Variants in DCAF8L2 observed in about 807,000 individuals in gnomAD.
DCAF8L2 encodes the protein DDB1- and CUL4-associated factor 8-like protein 2.
For missense variants in DCAF8L2, 430 were observed against 490.7 expected (o/e 0.88, Z 1.17); for synonymous variants, 200 against 190.9 (o/e 1.05, Z -0.39).
chrX:27,619,508 C>T (rs1008662183), intron 1 of DCAF8L2, among the ~76,000 whole-genome samples: 1 of 111,473 alleles, frequency 9.0e-6, no homozygotes, highest in African/African-American at 3.3e-5. Flanking sequence ...GGTTCTCCCT[C>T]CACATCTGAT....
chrX:27,631,414 AAG>A (rs1442046564), intron 1 of DCAF8L2, among the ~76,000 whole-genome samples: 10 of 112,318 alleles, frequency 8.9e-5, no homozygotes, highest in African/African-American at 2.9e-4. Context: ...AGGAAAGAGA[AAG>A]AAATAAAATG....
chrX:27,683,487 C>T (rs1202184351), intron 3 of DCAF8L2, among the ~76,000 whole-genome samples: 4 of 112,497 alleles, frequency 3.6e-5, no homozygotes, highest in Admixed American at 9.4e-5. Flanking sequence ...AGTAACGAAG[C>T]CCTTTCTGAT....
intron 4 of DCAF8L2, 118 bp from the exon 5 acceptor site, chrX:27,746,720 C>A: frequency 2.3e-6 from 1 of 437,007 alleles, no homozygotes; most frequent in Non-Finnish European, 3.8e-6. Flanking sequence ...ATACTGGCAA[C>A]TGCCTTGGCA....
At chrX:27,643,292 C>T (rs775989218) in intron 2 of DCAF8L2, among the ~76,000 whole-genome samples, 5 of 111,977 alleles carry the variant, frequency 4.5e-5, no homozygotes, top group Admixed American at 9.5e-5. Flanking sequence ...AGGTGATAAC[C>T]CATTGCAGCT....
intron 4 of DCAF8L2, among the ~76,000 whole-genome samples, chrX:27,739,402 T>C (rs1477719040): frequency 8.9e-6 from 1 of 111,969 alleles, no homozygotes; most frequent in Non-Finnish European, 1.9e-5. Flanking sequence ...AAATAATTTC[T>C]ACACTTTCTT....
chrX:27,611,413 C>T (rs921037171), intron 1 of DCAF8L2, among the ~76,000 whole-genome samples: 23 of 108,681 alleles, frequency 2.1e-4, no homozygotes, highest in East Asian at 5.8e-4. Context: ...ACCTACAGAA[C>T]GGGAGAACAT....
the DCAF8L2 span, among the ~76,000 whole-genome samples, chrX:27,487,622 T>C: frequency 8.9e-6 from 1 of 112,382 alleles, no homozygotes; most frequent in South Asian, 3.7e-4. Context: ...TGAATTGATT[T>C]TTAGCAACTT....
chrX:27,648,421 A>G (rs112932720), intron 2 of DCAF8L2, among the ~76,000 whole-genome samples: 1,834 of 108,872 alleles, frequency 0.017, 39 homozygotes, highest in African/African-American at 0.057. Context: ...GAATAGAGGC[A>G]GGGAGAAAAG....
At chrX:27,535,616 C>T in the DCAF8L2 span, among the ~76,000 whole-genome samples, 1 of 111,946 alleles carries the variant, frequency 8.9e-6, no homozygotes, top group Non-Finnish European at 1.9e-5. Context: ...CTCACCCCTC[C>T]TCTTCCTCAT....
chrX:27,588,651 T>C (rs1458502367), upstream of DCAF8L2, among the ~76,000 whole-genome samples: 1 of 110,894 alleles, frequency 9.0e-6, no homozygotes, highest in Middle Eastern at 4.3e-3. Flanking sequence ...TATGTTGTTT[T>C]TTTACTTTTT....
intron 3 of DCAF8L2, among the ~76,000 whole-genome samples, chrX:27,711,099 T>C (rs1181669306): frequency 8.9e-6 from 1 of 111,829 alleles, no homozygotes; most frequent in Non-Finnish European, 1.9e-5. Flanking sequence ...TCTCTTAATA[T>C]GGTTTGCTAA....
intron 2 of DCAF8L2, among the ~76,000 whole-genome samples, chrX:27,653,016 A>G (rs1929207947): frequency 8.9e-6 from 1 of 111,951 alleles, no homozygotes; most frequent in Non-Finnish European, 1.9e-5. Context: ...TTATGTAGCT[A>G]TATTTTCTTA....
At chrX:27,581,589 ATT>A in the DCAF8L2 span, among the ~76,000 whole-genome samples, 38 of 95,097 alleles carry the variant, frequency 4.0e-4, no homozygotes, top group East Asian at 1.3e-3. Flanking sequence ...ATTTAATACA[ATT>A]TTTTTTTTTT....
intron 2 of DCAF8L2, chrX:27,633,054 A>G (rs1928356868): frequency 8.9e-6 from 1 of 112,277 alleles, no homozygotes; most frequent in Non-Finnish European, 1.9e-5. Context: ...GTGTATATGT[A>G]TGCATATGCA....
chrX:27,651,946 A>G (rs1471659113), intron 2 of DCAF8L2, among the ~76,000 whole-genome samples: 1 of 110,578 alleles, frequency 9.0e-6, no homozygotes, highest in Non-Finnish European at 1.9e-5. Context: ...CTACTACAAC[A>G]ACATATTTTT....
At chrX:27,544,461 G>A in the DCAF8L2 span, among the ~76,000 whole-genome samples, 1 of 111,833 alleles carries the variant, frequency 8.9e-6, no homozygotes, top group Non-Finnish European at 1.9e-5. Context: ...CAATTTATGT[G>A]TGACTTAACA....
At chrX:27,648,935 T>C (rs1202102729) in intron 2 of DCAF8L2, among the ~76,000 whole-genome samples, 1 of 112,091 alleles carries the variant, frequency 8.9e-6, no homozygotes, top group African/African-American at 3.2e-5. Flanking sequence ...TATTGGCTCA[T>C]ATTGGAACCA....
chrX:27,641,774 G>A lies in DCAF8L2; in HGVS notation c.-220+9774G>A, dbSNP rs182764190. ...GGCGTGAGCCACCACGCCCGGCCAA[G>A]TATGCTGTATTTCTATCTTTGTTTT... On this transcript the variant is annotated intron_variant, in intron 2 of 4. Transcript: ENST00000451261. Among the ~76,000 whole-genome samples the A allele has an allele frequency of 4.5e-5, 5 of 109,995 alleles. No individual in the cohort carries two copies. The East Asian group carries it at 1.2e-3, about 26-fold the overall frequency.
chrX:27,704,220 ACATGTGCGTGTACACACGTG>A (rs1931254339), intron 3 of DCAF8L2, among the ~76,000 whole-genome samples: 1 of 97,572 alleles, frequency 1.0e-5, no homozygotes, highest in Non-Finnish European at 2.0e-5. Context: ...ACACGCGCGC[ACATGTGCGTGTACACACGTG>A]CGCACATACG....
Sources: allele counts gnomAD v4.1 joint callset (sites outside exome capture counted in the v4.1 genomes callset), GRCh38; gene constraint gnomAD v4.1.1; transcripts MANE v1.5; gene names NCBI Gene and HGNC (gene_info 2026-07-23, HGNC 2026-07-21).